The following ITIH6 variants were observed in gnomAD, a reference collection of about 807,000 sequenced individuals.
The protein encoded by ITIH6 is inter-alpha-trypsin inhibitor heavy chain family member 6.
ITIH6 carries 60 observed loss-of-function variants against 58.2 expected under a neutral mutation model. The observed-to-expected ratio is 1.03, with a 90% CI of 0.84 to 1.28. The LOEUF (loss-of-function observed/expected upper bound fraction) is 1.28. Among genes scored for constraint, ITIH6 ranks in the 50% most tolerant of loss-of-function variants. The pLI, the probability that ITIH6 is intolerant of heterozygous loss-of-function variation, is 0.00. For synonymous variants in ITIH6, 493 were observed against 417.4 expected, an observed-to-expected ratio of 1.18 and a Z score of -2.21; for missense variants, 1,290 against 1,021.1, an observed-to-expected ratio of 1.26 and a Z score of -3.59.
At chrX:54,756,557 C>T (rs1928488512) in intron 8 of ITIH6, among the ~76,000 whole-genome samples, 1 of 111,380 alleles carries the variant, frequency 9.0e-6, no homozygotes, top group South Asian at 3.8e-4. Context: ...TCTTCTACCC[C>T]TGTCATTAAG....
At chrX:54,753,173 A>AT (rs754867814) in intron 11 of ITIH6, among the ~76,000 whole-genome samples, 1 of 112,366 alleles carries the variant, frequency 8.9e-6, no homozygotes, top group African/African-American at 3.2e-5. Context: ...CTTCTGACTT[A>AT]TTTTTGTTTC....
chrX:54,767,579 TG>T (rs1417775500), intron 6 of ITIH6, among the ~76,000 whole-genome samples: 1 of 101,035 alleles, frequency 9.9e-6, no homozygotes, highest in African/African-American at 4.0e-5. Flanking sequence ...CCAGAGATTC[TG>T]GTATGTTGTG....
In ITIH6 at chrX:54,749,932, A is replaced by T; in HGVS notation, c.3905T>A (p.Leu1302Gln). 8.3e-7 allele frequency: 1 copy of T among 1,211,364 alleles called. No individual in the cohort carries two copies. Residue 1302 changes from leucine (L) to glutamine (Q), a missense_variant, in exon 13 of 13, where the codon CTG (leucine) becomes CAG (glutamine). Leu to Gln is a moderately radical substitution (Grantham distance 113, BLOSUM62 -2). Transcript: ENST00000218436. ...GGAGAGGTAGGGGTGGCCCAGAAGC[A>T]GCTCTACATGAGAGCGCTTCACCAG... ...CWLVKRSHVE[L>Q]LLGHPYLSYV...
In ITIH6 at chrX:54,798,157, A is replaced by G. The variant is rs2147624122; in HGVS notation, c.54T>C (p.Leu18=). 1 of 1,193,171 alleles carries G rather than the reference A, an allele frequency of 8.4e-7. No individual in the cohort carries two copies. The highest frequency in any genetic ancestry group is 3.1e-5 in the East Asian group (1 of 32,583). The change falls in exon 1 of 13, where the codon CTT becomes CTC. Residue 18 remains leucine, a synonymous_variant. Coordinates refer to ENST00000218436, the MANE Select transcript of ITIH6 (RefSeq NM_198510.3). ...ICVSFLLTIL[L]ELTYQGPPVP... ...CAGGGGGTCCCTGGTATGTCAGTTC[A>G]AGAAGAATGGTCAGCAAAAAGCTGA...
intron 2 of ITIH6, among the ~76,000 whole-genome samples, chrX:54,795,026 G>A (rs776774289): frequency 1.9e-4 from 21 of 111,439 alleles, no homozygotes; most frequent in Middle Eastern, 4.6e-3. Context: ...TTTCTCTTTC[G>A]ATAGTCTCTC....
At chrX:54,777,975 G>T (rs1487426427) in intron 5 of ITIH6, among the ~76,000 whole-genome samples, 1 of 111,689 alleles carries the variant, frequency 9.0e-6, no homozygotes, top group Non-Finnish European at 1.9e-5. Context: ...AGTCACCAGG[G>T]ACCAATTCTG....
At chrX:54,772,919 C>T (rs1210920555) in intron 6 of ITIH6, among the ~76,000 whole-genome samples, 67 of 111,296 alleles carry the variant, frequency 6.0e-4, no homozygotes, top group African/African-American at 2.1e-3. Flanking sequence ...TACAGGTGCG[C>T]ACCACCACAC....
chrX:54,784,632 C>T (rs1929210394), intron 5 of ITIH6, among the ~76,000 whole-genome samples: 1 of 111,961 alleles, frequency 8.9e-6, no homozygotes, highest in African/African-American at 3.2e-5. Context: ...AAGTCAAAAA[C>T]TACAATGAGA....
At chrX:54,773,694 TAA>T (rs1170048488) in intron 6 of ITIH6, among the ~76,000 whole-genome samples, 2 of 98,657 alleles carry the variant, frequency 2.0e-5, no homozygotes, top group Non-Finnish European at 2.1e-5. Flanking sequence ...GCCTTTAAAG[TAA>T]AAAAAAAAAA....
At chrX:54,764,044 T>A (rs1226648201) in intron 6 of ITIH6, among the ~76,000 whole-genome samples, 4 of 112,114 alleles carry the variant, frequency 3.6e-5, no homozygotes, top group African/African-American at 9.7e-5. Context: ...GCATGGTATA[T>A]CTTTCTCTAT....
intron 4 of ITIH6, among the ~76,000 whole-genome samples, chrX:54,789,216 G>A (rs1354217363): frequency 2.7e-5 from 3 of 112,038 alleles, no homozygotes; most frequent in Non-Finnish European, 5.6e-5. Context: ...GCCTTTTAGA[G>A]TCTCATGAAA....
At chrX:54,774,977 G>C (rs1342254620) in intron 5 of ITIH6, among the ~76,000 whole-genome samples, 1 of 111,803 alleles carries the variant, frequency 8.9e-6, no homozygotes, top group Non-Finnish European at 1.9e-5. Flanking sequence ...AGGGCCACAG[G>C]CTTTTGCTCC....
intron 5 of ITIH6, chrX:54,787,397 T>TGGCA (rs1488561262): frequency 9.0e-6 from 1 of 111,390 alleles, no homozygotes; most frequent in Admixed American, 9.6e-5. Flanking sequence ...CCTCCTCCAC[T>TGGCA]GGCACCTCTG....
At chrX:54,785,077 T>G (rs969142890) in intron 5 of ITIH6, among the ~76,000 whole-genome samples, 1 of 111,150 alleles carries the variant, frequency 9.0e-6, no homozygotes, top group Non-Finnish European at 1.9e-5. Context: ...ATTATGTGAC[T>G]TGAAATAAGC....
Position 54,749,808 on chromosome X carries a change from C to G in ITIH6, c.*87G>C. 1.3e-6 allele frequency: 1 copy of G among 743,595 alleles called. No homozygotes were observed. The highest frequency in any genetic ancestry group is 2.0e-6 in the Non-Finnish European group (1 of 505,452). 61.3% of individuals were successfully genotyped at this position (743,595 alleles called of 1,213,427 possible). ...TGTGTCCCTGTGTGTGCTTCCATGT[C>G]CTTGGGTCTCTGTCCCTGGCTCACC... is the stretch of plus-strand genomic sequence containing the variant. On this transcript the variant is annotated 3_prime_UTR_variant, in exon 13 of 13. Transcript: ENST00000218436.
At chrX:54,783,165 A>T (rs1392502067) in intron 5 of ITIH6, among the ~76,000 whole-genome samples, 2 of 112,214 alleles carry the variant, frequency 1.8e-5, no homozygotes, top group African/African-American at 6.5e-5. Flanking sequence ...CCTTCAAAAC[A>T]CTGGGGATAG....
chrX:54,763,361 A>G (rs948417994), intron 6 of ITIH6, among the ~76,000 whole-genome samples: 2 of 111,554 alleles, frequency 1.8e-5, no homozygotes, highest in African/African-American at 6.5e-5. Flanking sequence ...AGAGCTGTAG[A>G]AAAGTGAGAG....
chrX:54,797,995 T>C, intron 1 of ITIH6, 114 bp downstream of exon 1: 1 of 495,934 alleles, frequency 2.0e-6, no homozygotes, highest in Admixed American at 4.2e-5. Flanking sequence ...TCTCTGGCTC[T>C]AGTTTCTCAG....
At chrX:54,756,843 A>T in intron 8 of ITIH6, 122 bp downstream of exon 8, 1 of 455,145 alleles carries the variant, frequency 2.2e-6, no homozygotes, top group Non-Finnish European at 3.6e-6. Flanking sequence ...CAAGCAAGCA[A>T]GCAAGCAAGG....
Sources: gnomAD v4.1 joint callset for allele counts (sites outside exome capture counted in the v4.1 genomes callset) on GRCh38, gnomAD v4.1.1 for gene constraint, MANE v1.5 for transcripts, NCBI Gene and HGNC (gene_info 2026-07-23, HGNC 2026-07-21) for gene names.